The following ZSCAN23 variants were observed in gnomAD, a reference collection of about 807,000 sequenced individuals.
ZSCAN23 encodes zinc finger and SCAN domain-containing protein 23.
ZSCAN23 carries 19 observed loss-of-function variants against 19.3 expected under a neutral mutation model. The ratio of observed to expected loss-of-function variants is 0.99; its 90% CI spans 0.69 to 1.45. The LOEUF (loss-of-function observed/expected upper bound fraction) is 1.45. ZSCAN23 is among the 40% of genes most tolerant of loss of function. The pLI, the probability that ZSCAN23 is intolerant of heterozygous loss-of-function variation, is 0.00. For synonymous variants in ZSCAN23, 140 were observed against 166.2 expected (o/e 0.84, Z 1.21); for missense variants, 372 against 462.5 (o/e 0.80, Z 1.79).
the ZSCAN23 span, among the ~76,000 whole-genome samples, chr6:28,424,202 T>TA: frequency 6.6e-6 from 1 of 152,232 alleles, no homozygotes; most frequent in African/African-American, 2.4e-5. Context: ...ATATAAAAGT[T>TA]ATGTTTATAC....
chr6:28,438,109 T>G (rs1231771723), intron 1 of ZSCAN23, among the ~76,000 whole-genome samples: 1 of 134,542 alleles, frequency 7.4e-6, no homozygotes, highest in East Asian at 2.0e-4. Flanking sequence ...TTGTTTTTGT[T>G]TTTTTGAGAA....
downstream of ZSCAN23, among the ~76,000 whole-genome samples, chr6:28,430,373 C>G (rs1033812338): frequency 5.9e-5 from 9 of 152,130 alleles, no homozygotes; most frequent in Admixed American, 2.0e-4. Flanking sequence ...GCTTTCCAAA[C>G]AAAACAACCA....
the ZSCAN23 span, among the ~76,000 whole-genome samples, chr6:28,422,342 C>T: frequency 6.6e-6 from 1 of 152,032 alleles, no homozygotes; most frequent in Non-Finnish European, 1.5e-5. This position sits in a 1 kb window ranked among gnomAD's most constrained non-coding sequence, Gnocchi z 4.0. Flanking sequence ...TAATTCAATA[C>T]CCTTGCAGTG....
At chr6:28,442,246 A>T (rs1447492100) in intron 1 of ZSCAN23, among the ~76,000 whole-genome samples, 1 of 152,188 alleles carries the variant, frequency 6.6e-6, no homozygotes, top group African/African-American at 2.4e-5. Context: ...CTCATATATG[A>T]AATGAGGTCA....
downstream of ZSCAN23, among the ~76,000 whole-genome samples, chr6:28,431,532 C>G (rs1011830663): frequency 2.6e-5 from 4 of 152,162 alleles, no homozygotes; most frequent in African/African-American, 9.7e-5. Flanking sequence ...TGGGGTGGGG[C>G]TGAGAAAACT....
chr6:28,439,235 C>T (rs1408151606), intron 1 of ZSCAN23, among the ~76,000 whole-genome samples: 2 of 151,926 alleles, frequency 1.3e-5, no homozygotes, highest in South Asian at 2.1e-4. Flanking sequence ...TACAGGCACC[C>T]GCTACCATGC....
chr6:28,426,506 G>A, the ZSCAN23 span, among the ~76,000 whole-genome samples: 3 of 152,066 alleles, frequency 2.0e-5, no homozygotes, highest in Non-Finnish European at 4.4e-5. Context: ...TGTGGTTAGC[G>A]GTGCCCCAAA....
chr6:28,429,868 T>C (rs1419778008), downstream of ZSCAN23, among the ~76,000 whole-genome samples: 1 of 152,088 alleles, frequency 6.6e-6, no homozygotes, highest in Non-Finnish European at 1.5e-5. Flanking sequence ...GGACACCGCC[T>C]ACACACACAG....
At chr6:28,441,464 C>T (rs1279057550) in intron 1 of ZSCAN23, among the ~76,000 whole-genome samples, 2 of 152,130 alleles carry the variant, frequency 1.3e-5, no homozygotes, top group Non-Finnish European at 2.9e-5. Context: ...TTCCCTTATT[C>T]GAACCTTACC....
intron 1 of ZSCAN23, among the ~76,000 whole-genome samples, chr6:28,437,362 T>G (rs1182825382): frequency 1.3e-5 from 2 of 152,106 alleles, no homozygotes; most frequent in Non-Finnish European, 2.9e-5. Flanking sequence ...TGTCTATGAC[T>G]CCTGAGGTCA....
chr6:28,427,789 C>T (rs1761687132), downstream of ZSCAN23, among the ~76,000 whole-genome samples: 1 of 152,070 alleles, frequency 6.6e-6, no homozygotes, highest in African/African-American at 2.4e-5. Flanking sequence ...TCAAAAATGT[C>T]TAGTATCCAG....
In ZSCAN23 at chr6:28,434,652, G is replaced by T. The variant is rs1416918225; in HGVS notation, c.983C>A (p.Thr328Asn). 4 of 1,566,498 alleles carry T rather than the reference G, an allele frequency of 2.6e-6. No homozygotes were observed. Among genetic ancestry groups the T allele is most frequent in the Non-Finnish European group, 3.5e-6 (4 of 1,155,618 alleles). The change falls in exon 4 of 4, where the codon ACT (threonine) becomes AAT (asparagine). Residue 328 changes from threonine (T) to asparagine (N), a missense_variant. By Grantham distance (65) the Thr-to-Asn change is moderately conservative. Transcript: ENST00000289788. ...AGLFHHLRIH[T>N]GEKPYQCNQC... ...ATTGCACTGGTAAGGCTTCTCCCCA[G>T]TGTGAATTCTGAGGTGATGGAAAAG...
the ZSCAN23 span, among the ~76,000 whole-genome samples, chr6:28,425,781 C>T: frequency 6.6e-6 from 1 of 152,162 alleles, no homozygotes; most frequent in South Asian, 2.1e-4. Flanking sequence ...TATCTTCTTC[C>T]AATATAAAGT....
In ZSCAN23 at chr6:28,436,076, T is replaced by G. The variant is rs1194902471; in HGVS notation, c.191A>C (p.Glu64Ala). 9 of 1,614,152 alleles carry G rather than the reference T, an allele frequency of 5.6e-6. No homozygotes were observed. The highest frequency in any genetic ancestry group is 7.6e-6 in the Non-Finnish European group (9 of 1,180,004). Residue 64 changes from glutamate to alanine, a missense_variant, in exon 2 of 4, where the codon GAG becomes GCG. By Grantham distance (107) the Glu-to-Ala change is moderately radical. Coordinates refer to ENST00000289788, the MANE Select transcript of ZSCAN23 (RefSeq NM_001012455.2). ...FCYQESPGPREALQRLQELCH... is the reference protein window; with the variant it reads ...FCYQESPGPRAALQRLQELCH... ...GAGCTCCTGGAGTCTTTGAAGAGCC[T>G]CCCGGGGCCCAGGGGACTCCTGATA... is the stretch of plus-strand genomic sequence containing the variant.
the ZSCAN23 span, among the ~76,000 whole-genome samples, chr6:28,426,813 TTGTC>T: frequency 1.3e-5 from 2 of 152,206 alleles, no homozygotes; most frequent in Non-Finnish European, 2.9e-5. Context: ...TTTCAAAAGT[TTGTC>T]TGTTTGTTTG....
In ZSCAN23 at chr6:28,434,904, G is replaced by A. The variant is rs1761845535; in HGVS notation, c.731C>T (p.Ser244Leu). ...GRLEKQRVSS[S>L]VERPYICSEC... ...ACTACAGATATAGGGTCTCTCCACT[G>A]AAGAGCTCACCCTTTGCTTTTCCAA... Residue 244 changes from serine (S) to leucine (L), a missense_variant, in exon 4 of 4, where the codon TCA becomes TTA. Physicochemically the swap from Ser to Leu is moderately radical, Grantham distance 145. Transcript: ENST00000289788. The A allele has an allele frequency of 6.4e-7, 1 of 1,552,952 alleles. No homozygotes were observed. The highest frequency in any genetic ancestry group is 2.0e-5 in the Admixed American group (1 of 51,014).
the ZSCAN23 span, among the ~76,000 whole-genome samples, chr6:28,422,708 T>A: frequency 0.046 from 7,027 of 151,626 alleles, 167 homozygotes; most frequent in Middle Eastern, 0.065. The surrounding 1 kb of genome is among the most constrained non-coding windows in gnomAD (Gnocchi z 4.0). Flanking sequence ...CAGGATTTTT[T>A]AAAAAAAACA....
Position 28,434,437 on chromosome 6 carries a change from A to C in ZSCAN23, c.*28T>G. The C allele has an allele frequency of 6.7e-7, 1 of 1,494,242 alleles. No homozygotes were observed. The highest frequency in any genetic ancestry group is 1.8e-4 in the Middle Eastern group (1 of 5,678). The allele number at this position is 1,494,242 out of a possible 1,614,324, so 92.6% of individuals were successfully genotyped here. A position where few individuals can be genotyped will look rare whatever the true frequency, so the allele number is the denominator to read the frequency against. On this transcript the variant is annotated 3_prime_UTR_variant, in exon 4 of 4. Coordinates refer to ENST00000289788, the MANE Select transcript of ZSCAN23 (RefSeq NM_001012455.2). ...AGGACACAGCAGGGACAAAGTAAGA[A>C]ATATTATCCCCTACCTGTTCCAAGG...
downstream of ZSCAN23, among the ~76,000 whole-genome samples, chr6:28,430,398 C>G (rs908468665): frequency 6.6e-6 from 1 of 152,134 alleles, no homozygotes; most frequent in Admixed American, 6.5e-5. Context: ...ACCAACCAAC[C>G]CCAGGTCTGG....
Sources: allele counts gnomAD v4.1 joint callset (sites outside exome capture counted in the v4.1 genomes callset), GRCh38; gene constraint gnomAD v4.1.1; non-coding constraint Gnocchi (gnomAD v3.1); transcripts MANE v1.5; gene names NCBI Gene and HGNC (gene_info 2026-07-23, HGNC 2026-07-21).